OR5AN1: variants seen among roughly 807,000 people sequenced by gnomAD.
The protein encoded by OR5AN1 is olfactory receptor family 5 subfamily AN member 1.
For missense variants in OR5AN1, 476 were observed against 368.9 expected, an observed-to-expected ratio of 1.29 and a Z score of -2.38; for synonymous variants, 167 against 131.8, an observed-to-expected ratio of 1.27 and a Z score of -1.83.
intron 1 of OR5AN1, among the ~76,000 whole-genome samples, chr11:59,363,112 T>G (rs1184698130): frequency 2.0e-5 from 3 of 152,232 alleles, no homozygotes; most frequent in African/African-American, 7.2e-5. Flanking sequence ...ACTTTTCACA[T>G]TCCTACCCAC....
In OR5AN1 at chr11:59,368,227, G is replaced by C. The variant is rs1589600; in HGVS notation, c.*2833G>C. On this transcript the variant is annotated 3_prime_UTR_variant, in exon 2 of 2. Coordinates refer to ENST00000641998, the MANE Select transcript of OR5AN1 (RefSeq NM_001004729.2). ...GTTCTGGGAAATCTGAGGTGACCAG[G>C]TACTGGAGCAGCCCCCAAGCATAAA... 103,567 of 152,204 alleles carry C rather than the reference G, an allele frequency of 0.68. 35,363 individuals carry two copies. The highest frequency in any genetic ancestry group is 0.72 in the Admixed American group (11,064 of 15,290). 9.4% of individuals were successfully genotyped at this position (152,204 alleles called of 1,614,324 possible).
In OR5AN1 at chr11:59,370,066, G is replaced by A. The variant is rs1231004288; in HGVS notation, c.*4672G>A. ...CTTCTCAGATAAGCAAATGTTGAGG[G>A]ACTTCATTACCACCAGACCTGCCTT... On this transcript the variant is annotated 3_prime_UTR_variant, in exon 2 of 2. Transcript: ENST00000641998. 6.6e-6 allele frequency: 1 copy of A among 152,098 alleles called. No individual in the cohort carries two copies. Among genetic ancestry groups the A allele is most frequent in the Non-Finnish European group, 1.5e-5 (1 of 68,026 alleles). The allele number at this position is 152,098 out of a possible 1,614,324, so 9.4% of individuals were successfully genotyped here. A position where few individuals can be genotyped will look rare whatever the true frequency, so the allele number is the denominator to read the frequency against.
chr11:59,369,739 A>G lies in OR5AN1; in HGVS notation c.*4345A>G, dbSNP rs1292570894. The G allele has an allele frequency of 6.6e-6, 1 of 152,252 alleles. No individual in the cohort carries two copies. Among genetic ancestry groups the G allele is most frequent in the African/African-American group, 2.4e-5 (1 of 41,468 alleles). 9.4% of individuals were successfully genotyped at this position (152,252 alleles called of 1,614,324 possible). On this transcript the variant is annotated 3_prime_UTR_variant, in exon 2 of 2. Transcript: ENST00000641998. ...ATCCCCAACCTTGCTAGAGAGGACA[A>G]CAGTCAAATTCAGTAAATACAGAGA...
Position 59,364,784 on chromosome 11 carries a change from G to A in OR5AN1, c.326G>A (p.Gly109Glu). Reference sequence around the variant, plus strand: ...CAGTACTTTATCTTTTCAACGATGGGACTGAGTGAGTCTTGTCTCATGACA... The same window carrying A: ...CAGTACTTTATCTTTTCAACGATGGAACTGAGTGAGTCTTGTCTCATGACA... ...IIQYFIFSTM[G>E]LSESCLMTAM... Residue 109 changes from glycine to glutamate, a missense_variant, in exon 2 of 2, where the codon GGA (glycine) becomes GAA (glutamate). By Grantham distance (98) the Gly-to-Glu change is moderately conservative. Transcript: ENST00000641998. The A allele has an allele frequency of 6.2e-7, 1 of 1,614,030 alleles. No homozygotes were observed.
Position 59,365,536 on chromosome 11 carries a change from A to G in OR5AN1, c.*142A>G. On this transcript the variant is annotated 3_prime_UTR_variant, in exon 2 of 2. Coordinates refer to ENST00000641998, the MANE Select transcript of OR5AN1 (RefSeq NM_001004729.2). The stretch of plus-strand genomic sequence containing the variant: ...GAAGGCTTGATTTGATGCACAAAAT[A>G]TGCCAATATGGACCAACAGATGACT... 1.7e-6 allele frequency: 1 copy of G among 596,876 alleles called. No homozygotes were observed. The highest frequency in any genetic ancestry group is 2.9e-6 in the Non-Finnish European group (1 of 341,928). 37.0% of individuals were successfully genotyped at this position (596,876 alleles called of 1,614,324 possible).
intron 1 of OR5AN1, 162 bp downstream of exon 1, chr11:59,359,434 T>A (rs1857440547): frequency 6.6e-6 from 1 of 152,142 alleles, no homozygotes; most frequent in Non-Finnish European, 1.5e-5. Flanking sequence ...AATAGTAATT[T>A]ACTGAGTTTC....
rs1565054947 is a variant in OR5AN1, at chr11:59,369,804, C to T, written c.*4410C>T. On this transcript the variant is annotated 3_prime_UTR_variant, in exon 2 of 2. Transcript: ENST00000641998. ...CTACACAAGAAGATAATCACCAAGACACATAATCATTATGTTTTCCAAGGT... is the reference window on the plus strand; with the variant it reads ...CTACACAAGAAGATAATCACCAAGATACATAATCATTATGTTTTCCAAGGT... 1 of 152,222 alleles carries T rather than the reference C, an allele frequency of 6.6e-6. No individual in the cohort carries two copies. Among genetic ancestry groups the T allele is most frequent in the East Asian group, 1.9e-4 (1 of 5,176 alleles). 9.4% of individuals were successfully genotyped at this position (152,222 alleles called of 1,614,324 possible). A position where few individuals can be genotyped will look rare whatever the true frequency, so the allele number is the denominator to read the frequency against.
At chr11:59,361,482 T>C (rs1857461893) in intron 1 of OR5AN1, among the ~76,000 whole-genome samples, 1 of 152,152 alleles carries the variant, frequency 6.6e-6, no homozygotes, top group African/African-American at 2.4e-5. Flanking sequence ...AGCTTTACCA[T>C]GTTAGCCAGA....
At chr11:59,361,639 G>A (rs1282897321) in intron 1 of OR5AN1, among the ~76,000 whole-genome samples, 1 of 152,242 alleles carries the variant, frequency 6.6e-6, no homozygotes, top group African/African-American at 2.4e-5. Context: ...ACGCTTTGAG[G>A]TTTAATGATT....
rs535944240 is a variant in OR5AN1 at position 59,362,134 on chromosome 11, T to C, written c.-13-2312T>C. Among the ~76,000 whole-genome samples the C allele has an allele frequency of 2.4e-3, 358 of 152,318 alleles. 1 individual carries two copies. Among genetic ancestry groups the C allele is most frequent in the Non-Finnish European group, 3.8e-3 (261 of 68,024 alleles). On this transcript the variant is annotated intron_variant, in intron 1 of 1. Transcript: ENST00000641998. ...CCTTGTGCACTCATCAGTGGTCATA[T>C]GAGTGCCCATTCCTTACTGATTTAT... is the stretch of plus-strand genomic sequence containing the variant.
rs769062130 is a variant in OR5AN1 at position 59,365,660 on chromosome 11, A to G, written c.*266A>G. ...GGCCTCATCATTTATGAATTTGTCC[A>G]AAATTATTTGTGAAACAACAAGATT... On this transcript the variant is annotated 3_prime_UTR_variant, in exon 2 of 2. Transcript: ENST00000641998. 2.3e-4 allele frequency: 78 copies of G among 332,744 alleles called. No homozygotes were observed. Among genetic ancestry groups the G allele is most frequent in the Non-Finnish European group, 4.0e-4 (74 of 183,704 alleles). 20.6% of individuals were successfully genotyped at this position (332,744 alleles called of 1,614,324 possible).
At chr11:59,359,358 A>G (rs905891927) in intron 1 of OR5AN1, 86 bp downstream of exon 1, 10 of 152,182 alleles carry the variant, frequency 6.6e-5, no homozygotes, top group Admixed American at 2.0e-4. Flanking sequence ...CACCTGTAAA[A>G]TGGGGATGTT....
chr11:59,363,716 G>C (rs948346019), intron 1 of OR5AN1, among the ~76,000 whole-genome samples: 1 of 152,130 alleles, frequency 6.6e-6, no homozygotes, highest in Non-Finnish European at 1.5e-5. Flanking sequence ...GGGCAGGACT[G>C]TTGTCCATCA....
At chr11:59,364,416 T>A in intron 1 of OR5AN1, 30 bp from the exon 2 acceptor site, 3 of 1,361,654 alleles carry the variant, frequency 2.2e-6, no homozygotes, top group Non-Finnish European at 3.1e-6. Flanking sequence ...GAGTTAGCAA[T>A]CCATTCTCTT....
chr11:59,364,637 T>G lies in OR5AN1; in HGVS notation c.179T>G (p.Met60Arg). Reference sequence around the variant, plus strand: ...ATGGATTCCCACCTCCATACACCCATGTATTTCTTCCTCAGTAACCTGTCC... The same window carrying G: ...ATGGATTCCCACCTCCATACACCCAGGTATTTCTTCCTCAGTAACCTGTCC... ...IRMDSHLHTP[M>R]YFFLSNLSFI... Residue 60 changes from methionine (M) to arginine (R), a missense_variant, in exon 2 of 2, where the codon ATG becomes AGG. Coordinates refer to ENST00000641998, the MANE Select transcript of OR5AN1 (RefSeq NM_001004729.2). 10 of 1,614,106 alleles carry G rather than the reference T, an allele frequency of 6.2e-6. No homozygotes were observed. Among genetic ancestry groups the G allele is most frequent in the Non-Finnish European group, 6.8e-6 (8 of 1,179,976 alleles).
chr11:59,360,360 C>T (rs555885684), intron 1 of OR5AN1, among the ~76,000 whole-genome samples: 1 of 152,148 alleles, frequency 6.6e-6, no homozygotes, highest in South Asian at 2.1e-4. Context: ...ATCTAACTCA[C>T]CTTGGATAAC....
chr11:59,364,897 C>T lies in OR5AN1; in HGVS notation c.439C>T (p.Leu147=). ...MSPTLCVWMV[L]GAYMTGLTAS... ...ACCCACCCTCTGTGTTTGGATGGTA[C>T]TGGGAGCCTACATGACTGGCCTCAC... The change falls in exon 2 of 2, where the codon CTG becomes TTG. Residue 147 remains leucine, a synonymous_variant. Coordinates refer to ENST00000641998, the MANE Select transcript of OR5AN1 (RefSeq NM_001004729.2). The T allele has an allele frequency of 6.2e-7, 1 of 1,614,052 alleles. No homozygotes were observed. Among genetic ancestry groups the T allele is most frequent in the Non-Finnish European group, 8.5e-7 (1 of 1,179,970 alleles).
In OR5AN1 at chr11:59,364,537, G is replaced by C. The variant is rs1857500895; in HGVS notation, c.79G>C (p.Val27Leu). The change falls in exon 2 of 2, where the codon GTG becomes CTG. Residue 27 changes from valine (V) to leucine (L), a missense_variant. Coordinates refer to ENST00000641998, the MANE Select transcript of OR5AN1 (RefSeq NM_001004729.2). ...GFSDFPRIIK[V>L]LFTIFLVIYI... Reference sequence around the variant, plus strand: ...CTCAGATTTTCCCAGGATCATAAAAGTGCTCTTCACTATATTCCTGGTGAT... The same window carrying C: ...CTCAGATTTTCCCAGGATCATAAAACTGCTCTTCACTATATTCCTGGTGAT... 1 of 1,613,718 alleles carries C rather than the reference G, an allele frequency of 6.2e-7. No homozygotes were observed. The highest frequency in any genetic ancestry group is 8.5e-7 in the Non-Finnish European group (1 of 1,179,764).
chr11:59,364,756 A>G lies in OR5AN1; in HGVS notation c.298A>G (p.Ile100Val), dbSNP rs1720835322. 1 of 1,613,948 alleles carries G rather than the reference A, an allele frequency of 6.2e-7. No homozygotes were observed. The highest frequency in any genetic ancestry group is 1.7e-5 in the Admixed American group (1 of 59,992). ...AACTATCACTTTTGTTGGTTGTATTATTCAGTACTTTATCTTTTCAACGAT... is the reference window on the plus strand; with the variant it reads ...AACTATCACTTTTGTTGGTTGTATTGTTCAGTACTTTATCTTTTCAACGAT... ...QQTITFVGCI[I>V]QYFIFSTMGL... is the part of the protein sequence containing the mutation. Residue 100 changes from isoleucine (I) to valine (V), a missense_variant, in exon 2 of 2, where the codon ATT becomes GTT. Coordinates refer to ENST00000641998, the MANE Select transcript of OR5AN1 (RefSeq NM_001004729.2).
Sources: gnomAD v4.1 joint callset for allele counts (sites outside exome capture counted in the v4.1 genomes callset) on GRCh38, gnomAD v4.1.1 for gene constraint, MANE v1.5 for transcripts, NCBI Gene and HGNC (gene_info 2026-07-23, HGNC 2026-07-21) for gene names.